Variants in SEMA7A observed in about 807,000 individuals in gnomAD.
SEMA7A encodes semaphorin 7A (JohnMiltonHagen blood group), also known as semaphorin-7A.
Under a neutral mutation model 67.5 loss-of-function variants are expected in SEMA7A, and 21 were observed. The observed-to-expected ratio is 0.31, with a 90% CI of 0.22 to 0.45. SEMA7A has a LOEUF of 0.45. Among genes scored for constraint, SEMA7A ranks in the 20% least tolerant of loss-of-function variants. SEMA7A has a pLI of 1.00. For synonymous variants in SEMA7A, 364 were observed against 368.5 expected (o/e 0.99, Z 0.14); for missense variants, 774 against 908.6 (o/e 0.85, Z 1.90).
rs746308040 is a variant in SEMA7A, at chr15:74,411,444, G to C, written c.1578-88C>G. 1.9e-5 allele frequency: 29 copies of C among 1,552,994 alleles called. No homozygotes were observed. The South Asian group carries it at 3.2e-4, about 17-fold the overall frequency. ...CTTACCCCAGTGCAGTTCCAGCAGA[G>C]AGGAGGGTCCCACAAGAAAGGCCCA... On this transcript the variant is annotated intron_variant, in intron 12 of 13. Coordinates refer to ENST00000261918, the MANE Select transcript of SEMA7A (RefSeq NM_003612.5). The surrounding 1 kb of genome is among the most constrained non-coding windows in gnomAD (Gnocchi z 4.4).
chr15:74,422,369 C>T (rs1170017737), intron 1 of SEMA7A, among the ~76,000 whole-genome samples: 1 of 152,074 alleles, frequency 6.6e-6, no homozygotes, highest in Non-Finnish European at 1.5e-5. Context: ...TAGCTAAAAG[C>T]TCCCAGAATA....
chr15:74,417,243 G>A (rs936489190), intron 6 of SEMA7A, 92 bp downstream of exon 6: 11 of 1,028,852 alleles, frequency 1.1e-5, no homozygotes, highest in Admixed American at 3.5e-5. Context: ...GCGGCCCTCA[G>A]GGAGCCCTCC....
In SEMA7A at chr15:74,411,289, AGG is replaced by A. The variant is rs766053512; in HGVS notation, c.1639+4_1639+5del. On this transcript the variant is annotated splice_donor_5th_base_variant and intron_variant, in intron 13 of 13. Coordinates refer to ENST00000261918, the MANE Select transcript of SEMA7A (RefSeq NM_003612.5). The surrounding 1 kb of genome is among the most constrained non-coding windows in gnomAD (Gnocchi z 4.4). Reference sequence around the variant, plus strand: ...CCACAGCCGCCAGCAGGGCCAGATCAGGTACCTGGTTTGGGGTTGGGACACTC... The same window carrying A: ...CCACAGCCGCCAGCAGGGCCAGATCATACCTGGTTTGGGGTTGGGACACTC... 1 of 1,613,438 alleles carries A rather than the reference AGG, an allele frequency of 6.2e-7. No homozygotes were observed. Among genetic ancestry groups the A allele is most frequent in the South Asian group, 1.1e-5 (1 of 91,028 alleles).
chr15:74,413,457 G>A (rs1329755313), intron 10 of SEMA7A, among the ~76,000 whole-genome samples: 1 of 152,168 alleles, frequency 6.6e-6, no homozygotes, highest in Non-Finnish European at 1.5e-5. Flanking sequence ...CTGCAGGAAG[G>A]GAATCCATGG....
At chr15:74,416,546 T>C (rs1337062544) in intron 7 of SEMA7A, 29 bp downstream of exon 7, 7 of 1,609,654 alleles carry the variant, frequency 4.3e-6, no homozygotes, top group Non-Finnish European at 3.4e-6. Context: ...CACAGACACG[T>C]AGCCAGCAGC....
intron 3 of SEMA7A, 136 bp from the exon 4 acceptor site, chr15:74,418,105 C>T: frequency 8.5e-7 from 1 of 1,181,150 alleles, no homozygotes; most frequent in Non-Finnish European, 1.2e-6. Flanking sequence ...CGGGACAGCC[C>T]AGAGTGTGTG....
rs575440580 is a variant in SEMA7A at position 74,418,414 on chromosome 15, T to C, written c.331-105A>G. On this transcript the variant is annotated intron_variant, in intron 2 of 13. Coordinates refer to ENST00000261918, the MANE Select transcript of SEMA7A (RefSeq NM_003612.5). ...AAGCCCCAAAGGAAGCAACCATTAT[T>C]CTCATCTGACAGATGAGCAACTGGG... is the stretch of plus-strand genomic sequence containing the variant. 2.7e-6 allele frequency: 3 copies of C among 1,127,014 alleles called. No homozygotes were observed. In the Admixed American group the frequency reaches 6.8e-5, roughly 26 times the overall value. 69.8% of individuals were successfully genotyped at this position (1,127,014 alleles called of 1,614,324 possible). A position where few individuals can be genotyped will look rare whatever the true frequency, so the allele number is the denominator to read the frequency against.
intron 1 of SEMA7A, among the ~76,000 whole-genome samples, chr15:74,429,683 G>C (rs1026322907): frequency 1.3e-5 from 2 of 152,176 alleles, no homozygotes; most frequent in Admixed American, 6.5e-5. Context: ...TGCTGCGCCA[G>C]TCATAGGATG....
rs2060895759 is a variant in SEMA7A, at chr15:74,411,079, C to A, written c.1640-94G>T. 2 of 1,515,430 alleles carry A rather than the reference C, an allele frequency of 1.3e-6. No homozygotes were observed. The highest frequency in any genetic ancestry group is 2.6e-5 in the South Asian group (2 of 77,264). The allele number at this position is 1,515,430 out of a possible 1,614,324, so 93.9% of individuals were successfully genotyped here. On this transcript the variant is annotated intron_variant, in intron 13 of 13. Coordinates refer to ENST00000261918, the MANE Select transcript of SEMA7A (RefSeq NM_003612.5). This position sits in a 1 kb window ranked among gnomAD's most constrained non-coding sequence, Gnocchi z 4.4. ...CACGGACTGGGATCCCAGGACAAGG[C>A]TTCTGAATGAACGTGGGGAACCCAG...
At chr15:74,427,797 G>T (rs2061055373) in intron 1 of SEMA7A, among the ~76,000 whole-genome samples, 1 of 152,152 alleles carries the variant, frequency 6.6e-6, no homozygotes, top group African/African-American at 2.4e-5. Flanking sequence ...ACATCTGCAG[G>T]TCATTCCTGA....
At chr15:74,420,564 C>T (rs2060991911) in intron 1 of SEMA7A, among the ~76,000 whole-genome samples, 1 of 152,200 alleles carries the variant, frequency 6.6e-6, no homozygotes, top group Admixed American at 6.5e-5. Context: ...TCCCTGTAGG[C>T]CCGAGATGTG....
chr15:74,433,502 T>G, intron 1 of SEMA7A: 1 of 1,151,982 alleles, frequency 8.7e-7, no homozygotes, highest in Non-Finnish European at 1.1e-6. Context: ...TTGGTGCGAC[T>G]TAGCCGGGGC....
chr15:74,427,111 G>C, intron 1 of SEMA7A: 1 of 550,632 alleles, frequency 1.8e-6, no homozygotes, highest in East Asian at 1.5e-4. Flanking sequence ...CTTGGATCCA[G>C]GAAGTATTCC....
intron 1 of SEMA7A, among the ~76,000 whole-genome samples, chr15:74,422,525 G>A (rs1017330075): frequency 1.3e-5 from 2 of 152,152 alleles, no homozygotes; most frequent in African/African-American, 4.8e-5. Flanking sequence ...GCACATTCAG[G>A]CTGCCCCGTA....
intron 1 of SEMA7A, among the ~76,000 whole-genome samples, chr15:74,431,760 G>A (rs2141294383): frequency 6.6e-6 from 1 of 152,394 alleles, no homozygotes; most frequent in East Asian, 1.9e-4. Flanking sequence ...TGGTGGCCCT[G>A]GGGGTGGGGG....
At chr15:74,431,641 C>T (rs967509991) in intron 1 of SEMA7A, among the ~76,000 whole-genome samples, 1 of 152,256 alleles carries the variant, frequency 6.6e-6, no homozygotes, top group Non-Finnish European at 1.5e-5. Flanking sequence ...AAGACCCCCT[C>T]TTACCCTGTT....
intron 1 of SEMA7A, among the ~76,000 whole-genome samples, chr15:74,424,441 C>T (rs1361726243): frequency 6.6e-6 from 1 of 152,200 alleles, no homozygotes; most frequent in Non-Finnish European, 1.5e-5. Flanking sequence ...AAGAAACTGA[C>T]ATTCTCATCT....
chr15:74,426,788 C>T (rs1327050678), intron 1 of SEMA7A, among the ~76,000 whole-genome samples: 3 of 152,200 alleles, frequency 2.0e-5, no homozygotes, highest in Admixed American at 2.0e-4. Flanking sequence ...AAAAAAAGTA[C>T]TGCATGCTCT....
In SEMA7A at chr15:74,432,786, G is replaced by C. The variant is rs923697225; in HGVS notation, c.178+955C>G. On this transcript the variant is annotated intron_variant, in intron 1 of 13. Coordinates refer to ENST00000261918, the MANE Select transcript of SEMA7A (RefSeq NM_003612.5). Reference sequence around the variant, plus strand: ...CAGACACGCCAAATTTGGGGACAGAGCCGAATCGGACTGGGGGCGGGGAGG... The same window carrying C: ...CAGACACGCCAAATTTGGGGACAGACCCGAATCGGACTGGGGGCGGGGAGG... Among the ~76,000 whole-genome samples, 7 of 152,152 alleles carry C rather than the reference G, an allele frequency of 4.6e-5. 1 individual carries two copies. The highest frequency in any genetic ancestry group is 4.6e-4 in the Admixed American group (7 of 15,282).
Sources: allele counts gnomAD v4.1 joint callset (sites outside exome capture counted in the v4.1 genomes callset), GRCh38; gene constraint gnomAD v4.1.1; non-coding constraint Gnocchi (gnomAD v3.1); transcripts MANE v1.5; gene names NCBI Gene and HGNC (gene_info 2026-07-23, HGNC 2026-07-21).